GBP7: variants seen among roughly 807,000 people sequenced by gnomAD.
GBP7 encodes the protein guanylate-binding protein 7.
In GBP7, 43 loss-of-function variants were observed where a neutral mutation model predicts 61.3. The ratio of observed to expected loss-of-function variants is 0.70; its 90% CI spans 0.55 to 0.91. The LOEUF is 0.91. GBP7 is among the 40% of genes least tolerant of loss of function. The pLI, the probability that GBP7 is intolerant of heterozygous loss-of-function variation, is 0.00. For synonymous variants in GBP7, 267 were observed against 271.0 expected (o/e 0.99, Z 0.14); for missense variants, 717 against 740.5 (o/e 0.97, Z 0.37).
Position 89,133,297 on chromosome 1 carries a change from A to G in GBP7, c.1623T>C (p.Tyr541=), listed in dbSNP as rs1454947255. 1.2e-6 allele frequency: 2 copies of G among 1,613,892 alleles called. No homozygotes were observed. The highest frequency in any genetic ancestry group is 1.7e-6 in the Non-Finnish European group (2 of 1,179,966). ...KKKMEREREN[Y]MRELRKMLSH... is the part of the protein sequence containing the mutation. ...TCAACATCTTTCTCAGTTCTCTCAT[A>G]TAGTTTTCCCTTTCCCTCTCCATCT... The change falls in exon 10 of 11, where the codon TAT becomes TAC. Residue 541 remains tyrosine (Y), a synonymous_variant. Transcript: ENST00000294671.
chr1:89,162,023 G>A (rs1647284475), intron 3 of GBP7, among the ~76,000 whole-genome samples: 1 of 146,114 alleles, frequency 6.8e-6, no homozygotes, highest in Non-Finnish European at 1.5e-5. Flanking sequence ...TTATTGAATA[G>A]GGAATCTTTT....
At position 89,152,334 on chromosome 1, in the gene GBP7, G is replaced by A. The variant is rs1682221063; in HGVS notation, c.559C>T (p.Leu187=). ...GTGATGGGGTGTCCATCTAACTTCAGCTCCAGGGTAAAATCTCGAACAGTC... is the reference window on the plus strand; with the variant it reads ...GTGATGGGGTGTCCATCTAACTTCAACTCCAGGGTAAAATCTCGAACAGTC... ...IWTVRDFTLE[L]KLDGHPITED... Residue 187 remains leucine, a synonymous_variant, in exon 5 of 11, where the codon CTG becomes TTG. Transcript: ENST00000294671. 1 of 1,614,068 alleles carries A rather than the reference G, an allele frequency of 6.2e-7. No individual in the cohort carries two copies. The highest frequency in any genetic ancestry group is 8.5e-7 in the Non-Finnish European group (1 of 1,180,004).
Position 89,132,012 on chromosome 1 carries a change from T to C in GBP7, c.*137A>G. On this transcript the variant is annotated 3_prime_UTR_variant, in exon 11 of 11. Coordinates refer to ENST00000294671, the MANE Select transcript of GBP7 (RefSeq NM_207398.3). ...AATTATTACTTTAGTCAAAATTAAG[T>C]TTGTTTTTATGAACTTCAGGCCATA... 2 of 570,418 alleles carry C rather than the reference T, an allele frequency of 3.5e-6. No individual in the cohort carries two copies. The highest frequency in any genetic ancestry group is 3.7e-5 in the Admixed American group (1 of 27,236). The allele number at this position is 570,418 out of a possible 1,614,324, so 35.3% of individuals were successfully genotyped here.
At chr1:89,172,013 A>G (rs1482550012) in intron 1 of GBP7, 59 bp from the exon 2 acceptor site, 15 of 1,109,428 alleles carry the variant, frequency 1.4e-5, no homozygotes, top group South Asian at 7.2e-5. Context: ...GCTGAAATCT[A>G]TAATAGGGCA....
At chr1:89,139,190 G>A (rs1368745170) in intron 9 of GBP7, among the ~76,000 whole-genome samples, 1 of 152,130 alleles carries the variant, frequency 6.6e-6, no homozygotes, top group Non-Finnish European at 1.5e-5. Flanking sequence ...AACAAGCAAT[G>A]GGGAAAGGAT....
At chr1:89,139,324 C>T (rs1223746146) in intron 9 of GBP7, among the ~76,000 whole-genome samples, 2 of 152,158 alleles carry the variant, frequency 1.3e-5, no homozygotes, top group Non-Finnish European at 2.9e-5. Context: ...AGATGTTAGA[C>T]CTAAAACCAT....
intron 9 of GBP7, among the ~76,000 whole-genome samples, chr1:89,135,432 TTA>T (rs1681777609): frequency 6.6e-6 from 1 of 151,972 alleles, no homozygotes; most frequent in Non-Finnish European, 1.5e-5. Context: ...AGAAAAAATA[TTA>T]AAGGCAGCTT....
At chr1:89,168,781 AAACAACAACAACAAC>A (rs34186424) in intron 2 of GBP7, among the ~76,000 whole-genome samples, 1 of 150,064 alleles carries the variant, frequency 6.7e-6, no homozygotes, top group Admixed American at 6.7e-5. Flanking sequence ...CTAAAAATAC[AAACAACAACAACAAC>A]AACAACAACA....
intron 7 of GBP7, among the ~76,000 whole-genome samples, chr1:89,149,074 A>G (rs1682132082): frequency 6.6e-6 from 1 of 152,292 alleles, no homozygotes; most frequent in South Asian, 2.1e-4. Flanking sequence ...GTGTTGTTAA[A>G]TGTGCTACAA....
At chr1:89,152,834 G>C (rs1682237233) in intron 3 of GBP7, 57 bp from the exon 4 acceptor site, 2 of 1,386,832 alleles carry the variant, frequency 1.4e-6, no homozygotes, top group South Asian at 1.4e-5. Flanking sequence ...TACATCTCAA[G>C]GTCAACTACT....
chr1:89,140,936 T>G (rs1392098169), intron 9 of GBP7, among the ~76,000 whole-genome samples: 2 of 152,140 alleles, frequency 1.3e-5, no homozygotes, highest in Admixed American at 6.6e-5. Flanking sequence ...TCTAAGGGAA[T>G]TAATGCAGGA....
chr1:89,159,000 G>T (rs555907381), intron 3 of GBP7, among the ~76,000 whole-genome samples: 2 of 152,126 alleles, frequency 1.3e-5, no homozygotes, highest in Non-Finnish European at 2.9e-5. Context: ...CATGGTACTG[G>T]TACCAAAACA....
chr1:89,168,248 A>G (rs1647497262), intron 2 of GBP7, among the ~76,000 whole-genome samples: 1 of 152,184 alleles, frequency 6.6e-6, no homozygotes, highest in Non-Finnish European at 1.5e-5. Flanking sequence ...AAAAAAAGGA[A>G]AAGAACTAGA....
chr1:89,174,636 G>A (rs1395117825), intron 1 of GBP7, among the ~76,000 whole-genome samples: 1 of 152,112 alleles, frequency 6.6e-6, no homozygotes, highest in Non-Finnish European at 1.5e-5. Context: ...CCCCTCTGTG[G>A]GCAGGGTCTG....
intron 3 of GBP7, among the ~76,000 whole-genome samples, chr1:89,158,377 A>T (rs1007108052): frequency 3.9e-5 from 6 of 152,214 alleles, no homozygotes; most frequent in African/African-American, 1.4e-4. Context: ...AGGCAAGAGA[A>T]GGAAATAAAG....
At chr1:89,174,306 AT>A (rs1647682787) in intron 1 of GBP7, among the ~76,000 whole-genome samples, 1 of 152,206 alleles carries the variant, frequency 6.6e-6, no homozygotes, top group Non-Finnish European at 1.5e-5. Flanking sequence ...ATGAGAGTAT[AT>A]AATTTTGTAG....
chr1:89,162,527 T>C lies in GBP7; in HGVS notation c.318+2204A>G, dbSNP rs552865900. On this transcript the variant is annotated intron_variant, in intron 3 of 10. Transcript: ENST00000294671. ...TAGCTGTATTCCTAAGCAGCAATTA[T>C]GAATGGGAGTTTGTTCCTGATTTGG... Among the ~76,000 whole-genome samples, 270 of 151,744 alleles carry C rather than the reference T, an allele frequency of 1.8e-3. 2 individuals are homozygous for C. The highest frequency in any genetic ancestry group is 3.2e-3 in the Non-Finnish European group (219 of 67,630).
intron 5 of GBP7, among the ~76,000 whole-genome samples, chr1:89,151,532 A>G (rs1005324622): frequency 2.0e-5 from 3 of 152,246 alleles, no homozygotes; most frequent in Non-Finnish European, 2.9e-5. Context: ...AGTTATTCAA[A>G]ACAAATATTT....
rs1681702805 is a variant in GBP7 at position 89,132,417 on chromosome 1, A to C, written c.1663-14T>G. ...TTCTTCTAGGACCTATAAAAGTAAA[A>C]GAGCCTACTTTTGAAAATCCCCAAT... On this transcript the variant is annotated splice_polypyrimidine_tract_variant and intron_variant, in intron 10 of 10. Coordinates refer to ENST00000294671, the MANE Select transcript of GBP7 (RefSeq NM_207398.3). The C allele has an allele frequency of 8.3e-6, 13 of 1,558,976 alleles. No homozygotes were observed. Among genetic ancestry groups the C allele is most frequent in the Admixed American group, 2.2e-5 (1 of 46,484 alleles).
Sources: allele counts gnomAD v4.1 joint callset (sites outside exome capture counted in the v4.1 genomes callset), GRCh38; gene constraint gnomAD v4.1.1; transcripts MANE v1.5; gene names NCBI Gene and HGNC (gene_info 2026-07-23, HGNC 2026-07-21).